The following TNIK variants were observed in gnomAD, a reference collection of about 807,000 sequenced individuals.
The protein encoded by TNIK is TRAF2 and NCK-interacting protein kinase.
Under a neutral mutation model 191.3 loss-of-function variants are expected in TNIK, and 49 were observed. That is an observed-to-expected ratio of 0.26 (90% CI 0.20 to 0.32). TNIK has a LOEUF of 0.32. TNIK is among the 10% of genes least tolerant of loss of function. The pLI is 1.00. For synonymous variants in TNIK, 594 were observed against 600.9 expected, an observed-to-expected ratio of 0.99 and a Z score of 0.17; for missense variants, 1,155 against 1,702.3, an observed-to-expected ratio of 0.68 and a Z score of 5.66.
intron 2 of TNIK, among the ~76,000 whole-genome samples, chr3:171,302,122 G>A (rs1039760137): frequency 1.3e-5 from 2 of 152,100 alleles, no homozygotes; most frequent in East Asian, 3.8e-4. Context: ...GGGGAGTGGG[G>A]GTGAAAAACA....
chr3:171,202,101 G>A (rs1739483791), intron 4 of TNIK, among the ~76,000 whole-genome samples: 1 of 152,146 alleles, frequency 6.6e-6, no homozygotes, highest in African/African-American at 2.4e-5. Context: ...AGACAACCCA[G>A]AGTCAGTACG....
chr3:171,236,026 A>T (rs1193512450), intron 2 of TNIK, among the ~76,000 whole-genome samples: 1 of 152,184 alleles, frequency 6.6e-6, no homozygotes, highest in Non-Finnish European at 1.5e-5. Context: ...CTTAAAACGC[A>T]GTCCTCCAGG....
intron 2 of TNIK, among the ~76,000 whole-genome samples, chr3:171,263,328 C>G (rs115634621): frequency 0.011 from 1,613 of 152,230 alleles, 34 homozygotes; most frequent in African/African-American, 0.037. Flanking sequence ...GATTTGCATG[C>G]CCAAAGGCTT....
Position 171,063,765 on chromosome 3 carries a change from G to T in TNIK, c.*116C>A. The T allele has an allele frequency of 1.0e-6, 1 of 984,322 alleles. No individual in the cohort carries two copies. The highest frequency in any genetic ancestry group is 1.5e-6 in the Non-Finnish European group (1 of 664,082). The allele number at this position is 984,322 out of a possible 1,614,324, so 61.0% of individuals were successfully genotyped here. A position where few individuals can be genotyped will look rare whatever the true frequency, so the allele number is the denominator to read the frequency against. ...GGCGGAGGGAGAGGAAAAAGGGAAA[G>T]CGATATGTTCAACCAAGCCTTCTGA... On this transcript the variant is annotated 3_prime_UTR_variant, in exon 33 of 33. Coordinates refer to ENST00000436636, the MANE Select transcript of TNIK (RefSeq NM_015028.4).
chr3:171,444,556 C>A (rs1487100500), intron 1 of TNIK, among the ~76,000 whole-genome samples: 3 of 146,314 alleles, frequency 2.1e-5, no homozygotes, highest in African/African-American at 5.0e-5. Flanking sequence ...GGCTTTTCTG[C>A]ACCTTGAATA....
chr3:171,228,776 C>CTAT (rs1743257838), intron 2 of TNIK, among the ~76,000 whole-genome samples: 1 of 152,116 alleles, frequency 6.6e-6, no homozygotes, highest in Non-Finnish European at 1.5e-5. Context: ...GAACTGCTTC[C>CTAT]CCAAGGTGGG....
intron 2 of TNIK, among the ~76,000 whole-genome samples, chr3:171,345,147 T>C (rs1275130690): frequency 2.0e-5 from 3 of 152,202 alleles, no homozygotes; most frequent in Non-Finnish European, 4.4e-5. Context: ...ACTGCTTCCA[T>C]TTGATTTCTT....
chr3:171,354,107 G>A (rs1384994890), intron 2 of TNIK, among the ~76,000 whole-genome samples: 1 of 152,066 alleles, frequency 6.6e-6, no homozygotes, highest in East Asian at 1.9e-4. Flanking sequence ...CTCACTCCCA[G>A]TAAAGCATAG....
intron 2 of TNIK, among the ~76,000 whole-genome samples, chr3:171,261,605 G>A (rs16856062): frequency 3.3e-5 from 5 of 152,094 alleles, no homozygotes; most frequent in African/African-American, 9.7e-5. Context: ...TCATAATTCC[G>A]AGTGTAAAGA....
At chr3:171,077,452 C>T (rs1173350163) in intron 28 of TNIK, among the ~76,000 whole-genome samples, 3 of 152,286 alleles carry the variant, frequency 2.0e-5, no homozygotes, top group Non-Finnish European at 4.4e-5. Flanking sequence ...GTAGACTGCC[C>T]TCCCCAATGT....
rs369243281 is a variant in TNIK at position 171,129,415 on chromosome 3, C to T, written c.1609-537G>A. ...TGTTCCAGGCTGCCTGCTTAATGCGCGTGGCGTGTTTCAAATAGGCTTCCT... is the reference window on the plus strand; with the variant it reads ...TGTTCCAGGCTGCCTGCTTAATGCGTGTGGCGTGTTTCAAATAGGCTTCCT... On this transcript the variant is annotated intron_variant, in intron 15 of 32. Coordinates refer to ENST00000436636, the MANE Select transcript of TNIK (RefSeq NM_015028.4). Among the ~76,000 whole-genome samples, 173 of 152,264 alleles carry T rather than the reference C, an allele frequency of 1.1e-3. 7 individuals are homozygous for T. In the South Asian group the frequency reaches 0.034, roughly 30 times the overall value.
Position 171,190,868 on chromosome 3 carries a change from A to C in TNIK, c.418-81T>G, listed in dbSNP as rs557022602. On this transcript the variant is annotated intron_variant, in intron 5 of 32. Transcript: ENST00000436636. ...AAATTATTTTGACTGTTAAGGATCC[A>C]AAAACTTTACACTCACCCAGACATA... 36 of 1,075,786 alleles carry C rather than the reference A, an allele frequency of 3.3e-5. No homozygotes were observed. In the South Asian group the frequency reaches 4.6e-4, roughly 14 times the overall value. 66.6% of individuals were successfully genotyped at this position (1,075,786 alleles called of 1,614,324 possible). A position where few individuals can be genotyped will look rare whatever the true frequency, so the allele number is the denominator to read the frequency against.
chr3:171,284,092 C>A (rs1038303761), intron 2 of TNIK, among the ~76,000 whole-genome samples: 2 of 152,030 alleles, frequency 1.3e-5, no homozygotes, highest in African/African-American at 2.4e-5. Context: ...CAGACCCAAC[C>A]GAGACCTATG....
At chr3:171,123,084 G>C (rs868325273) in intron 18 of TNIK, among the ~76,000 whole-genome samples, 2 of 152,202 alleles carry the variant, frequency 1.3e-5, no homozygotes, top group African/African-American at 2.4e-5. Context: ...CAACTTCCTC[G>C]TAAGAGCTAG....
chr3:171,245,920 A>AACAG (rs542133938), intron 2 of TNIK, among the ~76,000 whole-genome samples: 16 of 152,222 alleles, frequency 1.1e-4, no homozygotes, highest in East Asian at 9.6e-4. Flanking sequence ...AAGAGAGAGA[A>AACAG]ACAGACAGAC....
chr3:171,455,738 G>A (rs1233670883), intron 1 of TNIK, among the ~76,000 whole-genome samples: 1 of 152,146 alleles, frequency 6.6e-6, no homozygotes, highest in African/African-American at 2.4e-5. Context: ...TATTAACTAT[G>A]GTTAAATGTC....
chr3:171,087,026 C>T (rs887551224), intron 24 of TNIK, among the ~76,000 whole-genome samples: 2 of 152,148 alleles, frequency 1.3e-5, no homozygotes, highest in African/African-American at 4.8e-5. Flanking sequence ...AAGTTTCCAT[C>T]AGAACTGGAG....
chr3:171,320,368 G>T (rs1450010966), intron 2 of TNIK, among the ~76,000 whole-genome samples: 1 of 152,048 alleles, frequency 6.6e-6, no homozygotes, highest in East Asian at 1.9e-4. Context: ...ACAAATAAAA[G>T]ATTACATCCA....
chr3:171,188,544 G>C (rs994980022), intron 7 of TNIK, among the ~76,000 whole-genome samples, 158 bp downstream of exon 7: 7 of 152,114 alleles, frequency 4.6e-5, no homozygotes, highest in Admixed American at 3.9e-4. Flanking sequence ...TCATTAAAAA[G>C]ATCCTCACTT....
Sources: allele counts gnomAD v4.1 joint callset (sites outside exome capture counted in the v4.1 genomes callset), GRCh38; gene constraint gnomAD v4.1.1; transcripts MANE v1.5; gene names NCBI Gene and HGNC (gene_info 2026-07-23, HGNC 2026-07-21).